The following SGCZ variants were observed in gnomAD, a reference collection of about 807,000 sequenced individuals.
SGCZ encodes the protein zeta-sarcoglycan.
Under a neutral mutation model 41.3 loss-of-function variants are expected in SGCZ, and 40 were observed. The observed-to-expected ratio is 0.97, with a 90% CI of 0.75 to 1.26. The LOEUF is 1.26. Among genes scored for constraint, SGCZ ranks in the 50% most tolerant of loss-of-function variants. The probability of loss-of-function intolerance (pLI) is 0.00; values close to 1 mark genes in which losing one functional copy is unlikely to be tolerated. For missense variants in SGCZ, 552 were observed against 369.8 expected (o/e 1.49, Z -4.04); for synonymous variants, 206 against 137.5 (o/e 1.50, Z -3.49).
Position 14,842,466 on chromosome 8 carries a change from A to AGAAGGAAGAAAGGAAGGAAAG in SGCZ, c.40-287561_40-287541dup, listed in dbSNP as rs372638224. Among the ~76,000 whole-genome samples the AGAAGGAAGAAAGGAAGGAAAG allele has an allele frequency of 3.4e-3, 513 of 150,760 alleles. 2 individuals carry two copies. Among genetic ancestry groups the AGAAGGAAGAAAGGAAGGAAAG allele is most frequent in the Non-Finnish European group, 6.3e-3 (427 of 67,526 alleles). On this transcript the variant is annotated intron_variant, in intron 1 of 7. Coordinates refer to ENST00000382080, the MANE Select transcript of SGCZ (RefSeq NM_139167.4). ...ACAGGACAGGAAAAGGGAAAAGGAA[A>AGAAGGAAGAAAGGAAGGAAAG]GAAGGAAGAAAGGAAGGAAAGGAAG... is the stretch of plus-strand genomic sequence containing the variant.
chr8:15,078,782 A>G (rs1347631661), intron 1 of SGCZ, among the ~76,000 whole-genome samples: 1 of 152,066 alleles, frequency 6.6e-6, no homozygotes, highest in Non-Finnish European at 1.5e-5. Flanking sequence ...TCTTTGACTT[A>G]TCTGGATTTC....
intron 1 of SGCZ, among the ~76,000 whole-genome samples, chr8:15,194,010 T>G (rs1585660401): frequency 6.6e-6 from 1 of 152,312 alleles, no homozygotes; most frequent in East Asian, 1.9e-4. Context: ...CCAGTGTAAC[T>G]TGTTAGAGTA....
chr8:14,541,265 T>C (rs28514989), intron 2 of SGCZ, among the ~76,000 whole-genome samples: 1,577 of 152,058 alleles, frequency 0.01, 21 homozygotes, highest in African/African-American at 0.036. Context: ...AAGCTCTGCA[T>C]GCATTAGGTA....
chr8:15,007,842 A>G (rs1802659645), intron 1 of SGCZ, among the ~76,000 whole-genome samples: 1 of 152,236 alleles, frequency 6.6e-6, no homozygotes, highest in African/African-American at 2.4e-5. Flanking sequence ...AAATCATTTC[A>G]AACTTACATA....
intron 3 of SGCZ, among the ~76,000 whole-genome samples, chr8:14,307,029 T>C (rs570202344): frequency 7.2e-5 from 11 of 152,252 alleles, no homozygotes; most frequent in Admixed American, 1.3e-4. Context: ...TTTGCACTAA[T>C]TTGCATTTCA....
Position 14,146,890 on chromosome 8 carries a change from A to AAT in SGCZ, c.547+17689_547+17690insAT, listed in dbSNP as rs1554467204. On this transcript the variant is annotated intron_variant, in intron 5 of 7. Transcript: ENST00000382080. ...CCGTCTCAAAAAATAAAAATAAAAA[A>AAT]AATAATAATAATAATAACTACAGCA... 1.1e-4 allele frequency among the ~76,000 whole-genome samples: 13 copies of AAT among 116,186 alleles called. 1 individual carries two copies. The highest frequency in any genetic ancestry group is 4.3e-4 in the African/African-American group (12 of 27,880). 76.2% of individuals were successfully genotyped at this position (116,186 alleles called of 152,430 possible).
At chr8:15,192,903 AT>A (rs1800587761) in intron 1 of SGCZ, among the ~76,000 whole-genome samples, 1 of 152,098 alleles carries the variant, frequency 6.6e-6, no homozygotes, top group Admixed American at 6.5e-5. Flanking sequence ...ATTTAAAAAA[AT>A]ATATTGGACT....
chr8:14,508,262 T>G (rs1006846415), intron 2 of SGCZ, among the ~76,000 whole-genome samples: 1 of 152,182 alleles, frequency 6.6e-6, no homozygotes, highest in African/African-American at 2.4e-5. Context: ...CTCCCTGTTC[T>G]ATGCCCAGCA....
At chr8:14,723,780 A>G (rs537160483) in intron 1 of SGCZ, among the ~76,000 whole-genome samples, 1 of 152,118 alleles carries the variant, frequency 6.6e-6, no homozygotes, top group African/African-American at 2.4e-5. Context: ...GTTTTATGTT[A>G]TCTACGTATT....
intron 4 of SGCZ, among the ~76,000 whole-genome samples, chr8:14,223,228 C>T (rs2117127395): frequency 6.6e-6 from 1 of 152,188 alleles, no homozygotes; most frequent in East Asian, 1.9e-4. Context: ...ATACTAATTC[C>T]ACACTGTACT....
chr8:14,479,761 T>TTTA (rs1563356644), intron 2 of SGCZ, among the ~76,000 whole-genome samples: 1 of 92,114 alleles, frequency 1.1e-5, no homozygotes, highest in Non-Finnish European at 2.8e-5. Flanking sequence ...TTTTTTTTTT[T>TTTA]ATTTGAGATG....
intron 1 of SGCZ, among the ~76,000 whole-genome samples, chr8:14,700,666 A>C (rs1809106493): frequency 2.0e-5 from 3 of 152,152 alleles, no homozygotes; most frequent in African/African-American, 7.2e-5. Context: ...TATATTTAAT[A>C]AAATGATTAA....
chr8:14,658,388 T>G (rs542232304), intron 1 of SGCZ, among the ~76,000 whole-genome samples: 6 of 152,198 alleles, frequency 3.9e-5, no homozygotes, highest in Non-Finnish European at 8.8e-5. Flanking sequence ...GCAAACAGAG[T>G]GGTCCTGTAA....
At chr8:14,806,464 T>C (rs904416412) in intron 1 of SGCZ, among the ~76,000 whole-genome samples, 24 of 151,748 alleles carry the variant, frequency 1.6e-4, no homozygotes, top group Non-Finnish European at 2.4e-4. Context: ...TCTACGCAAA[T>C]AAACTAGAAA....
chr8:14,283,452 T>C (rs890757288), intron 3 of SGCZ, among the ~76,000 whole-genome samples: 3 of 151,974 alleles, frequency 2.0e-5, no homozygotes, highest in Non-Finnish European at 4.4e-5. Context: ...TAGAAAAATG[T>C]CATTATCCGT....
intron 1 of SGCZ, among the ~76,000 whole-genome samples, chr8:14,632,784 G>A (rs1276928393): frequency 3.3e-5 from 5 of 151,784 alleles, no homozygotes; most frequent in African/African-American, 1.2e-4. Context: ...CAAAGTAAAC[G>A]GGTCATCCTA....
intron 2 of SGCZ, among the ~76,000 whole-genome samples, chr8:14,503,284 C>T (rs116496261): frequency 0.027 from 4,039 of 151,908 alleles, 125 homozygotes; most frequent in African/African-American, 0.073. Flanking sequence ...CATCACACAC[C>T]GGAGCCTGTC....
intron 4 of SGCZ, among the ~76,000 whole-genome samples, chr8:14,194,543 G>T (rs747850674): frequency 1.3e-5 from 2 of 151,784 alleles, no homozygotes; most frequent in Admixed American, 6.6e-5. Flanking sequence ...TGTTGGCAAG[G>T]CTAGGAATAA....
chr8:15,091,193 AT>A (rs1806144114), intron 1 of SGCZ, among the ~76,000 whole-genome samples: 1 of 151,952 alleles, frequency 6.6e-6, no homozygotes, highest in Admixed American at 6.6e-5. Context: ...ACTTTTATTT[AT>A]TTTTCTTTTA....
Sources: allele counts gnomAD v4.1 joint callset (sites outside exome capture counted in the v4.1 genomes callset), GRCh38; gene constraint gnomAD v4.1.1; transcripts MANE v1.5; gene names NCBI Gene and HGNC (gene_info 2026-07-23, HGNC 2026-07-21).